Variants in SUMO3 observed in about 807,000 individuals in gnomAD.
SUMO3 encodes the protein small ubiquitin like modifier 3.
A neutral mutation model predicts 11.1 loss-of-function variants in SUMO3; 2 were observed. That is an observed-to-expected ratio of 0.18 (90% CI 0.07 to 0.57). The LOEUF (loss-of-function observed/expected upper bound fraction) is 0.57, where lower values mean the gene tolerates loss of function less well. Ranked by LOEUF, SUMO3 falls within the 20% of genes least tolerant of loss-of-function variation. SUMO3 has a pLI of 0.92. For missense variants in SUMO3, 70 were observed against 132.8 expected (o/e 0.53, Z 2.32); for synonymous variants, 56 against 53.5 (o/e 1.05, Z -0.20).
Position 44,811,879 on chromosome 21 carries a change from GAATA to G in SUMO3, c.150+2093_150+2096del, listed in dbSNP as rs2146423211. On this transcript the variant is annotated intron_variant, in intron 2 of 3. Transcript: ENST00000332859. This position sits in a 1 kb window ranked among gnomAD's most constrained non-coding sequence, Gnocchi z 5.0. ...AGAACTAACATAAGGCATATTTCCT[GAATA>G]AAAATAAACGTCCAGACCCATAAAG... 6.6e-6 allele frequency among the ~76,000 whole-genome samples: 1 copy of G among 151,932 alleles called. No homozygotes were observed. The highest frequency in any genetic ancestry group is 2.4e-5 in the African/African-American group (1 of 41,468).
intron 2 of SUMO3, among the ~76,000 whole-genome samples, chr21:44,812,027 G>T (rs2083214964): frequency 7.2e-6 from 1 of 138,536 alleles, no homozygotes; most frequent in Non-Finnish European, 1.5e-5. Flanking sequence ...AAAGCACAGA[G>T]AATCAGAATC....
intron 3 of SUMO3, chr21:44,808,460 A>G: frequency 7.0e-7 from 1 of 1,421,074 alleles, no homozygotes; most frequent in Non-Finnish European, 9.3e-7. Flanking sequence ...TTGCACAGTG[A>G]GCTGAGACTG....
intron 2 of SUMO3, among the ~76,000 whole-genome samples, chr21:44,812,752 G>A (rs1003293244): frequency 1.3e-5 from 2 of 152,228 alleles, no homozygotes; most frequent in Non-Finnish European, 2.9e-5. Context: ...GCAGGGGGAA[G>A]GGCAGAGCCC....
At position 44,809,132 on chromosome 21, in the gene SUMO3, G is replaced by GC; in HGVS notation, c.151-15dup. The stretch of plus-strand genomic sequence containing the variant: ...CATTGACAAGCCCTGGAAAGGAAAA[G>GC]CAGTGGCCATTAGTCTCACTGGCAA... On this transcript the variant is annotated splice_polypyrimidine_tract_variant and intron_variant, in intron 2 of 3. Coordinates refer to ENST00000332859, the MANE Select transcript of SUMO3 (RefSeq NM_006936.3). The GC allele has an allele frequency of 6.2e-7, 1 of 1,613,550 alleles. No individual in the cohort carries two copies. The highest frequency in any genetic ancestry group is 8.5e-7 in the Non-Finnish European group (1 of 1,179,574).
Position 44,806,758 on chromosome 21 carries a change from T to C in SUMO3, c.*193A>G. Reference sequence around the variant, plus strand: ...ACCTGAACAAAGATAACAATTCTGATTGGCCCAATTTAAGTTACAGATTCA... The same window carrying C: ...ACCTGAACAAAGATAACAATTCTGACTGGCCCAATTTAAGTTACAGATTCA... On this transcript the variant is annotated 3_prime_UTR_variant, in exon 4 of 4. Transcript: ENST00000332859. The C allele has an allele frequency of 1.5e-6, 2 of 1,342,180 alleles. No individual in the cohort carries two copies. The highest frequency in any genetic ancestry group is 1.6e-5 in the South Asian group (1 of 61,438). The allele number at this position is 1,342,180 out of a possible 1,614,324, so 83.1% of individuals were successfully genotyped here.
chr21:44,805,953 A>G lies in SUMO3; in HGVS notation c.*998T>C, dbSNP rs2083173434. On this transcript the variant is annotated 3_prime_UTR_variant, in exon 4 of 4. Transcript: ENST00000332859. ...ATGCATAAATTCAATACCTATTTGGAAAGCAGCACGGCACAAACCCACGAG... is the reference window on the plus strand; with the variant it reads ...ATGCATAAATTCAATACCTATTTGGGAAGCAGCACGGCACAAACCCACGAG... The G allele has an allele frequency of 6.6e-6, 1 of 152,448 alleles. No homozygotes were observed. The highest frequency in any genetic ancestry group is 2.1e-4 in the South Asian group (1 of 4,834). 9.4% of individuals were successfully genotyped at this position (152,448 alleles called of 1,614,324 possible). A position where few individuals can be genotyped will look rare whatever the true frequency, so the allele number is the denominator to read the frequency against.
At chr21:44,816,903 TGGGGAG>T (rs2083247339) in intron 1 of SUMO3, among the ~76,000 whole-genome samples, 2 of 8,792 alleles carry the variant, frequency 2.3e-4, no homozygotes, top group Non-Finnish European at 2.2e-4. Context: ...GGGGGCGTGA[TGGGGAG>T]GGGTGGGCGC....
At chr21:44,817,062 G>A (rs2146428697) in intron 1 of SUMO3, among the ~76,000 whole-genome samples, 1 of 142,512 alleles carries the variant, frequency 7.0e-6, no homozygotes, top group Admixed American at 7.0e-5. Flanking sequence ...TGGAGAGGGC[G>A]ACGCAATAGG....
Position 44,806,650 on chromosome 21 carries a change from T to C in SUMO3, c.*301A>G, listed in dbSNP as rs2083178776. ...AAAAGCGAACATTCAGGCTATAATT[T>C]TGGGGTTAAAAAAATGTTGTAGGAG... On this transcript the variant is annotated 3_prime_UTR_variant, in exon 4 of 4. Transcript: ENST00000332859. 4.0e-6 allele frequency: 2 copies of C among 502,482 alleles called. No individual in the cohort carries two copies. The highest frequency in any genetic ancestry group is 2.4e-5 in the South Asian group (1 of 41,344). The allele number at this position is 502,482 out of a possible 1,614,324, so 31.1% of individuals were successfully genotyped here.
rs1367672399 is a variant in SUMO3, at chr21:44,809,037, A to G, written c.222+10T>C. The G allele has an allele frequency of 1.2e-6, 2 of 1,613,882 alleles. No homozygotes were observed. The highest frequency in any genetic ancestry group is 1.6e-4 in the Middle Eastern group (1 of 6,062). Reference sequence around the variant, plus strand: ...AGTCGCCCTGGAACCACGCGAAGCCAGCTCCGTACCTGTGCTGGAGTGTCA... The same window carrying G: ...AGTCGCCCTGGAACCACGCGAAGCCGGCTCCGTACCTGTGCTGGAGTGTCA... On this transcript the variant is annotated intron_variant, in intron 3 of 3. Coordinates refer to ENST00000332859, the MANE Select transcript of SUMO3 (RefSeq NM_006936.3).
chr21:44,811,270 G>A lies in SUMO3; in HGVS notation c.151-2152C>T, dbSNP rs1222508627. On this transcript the variant is annotated intron_variant, in intron 2 of 3. Transcript: ENST00000332859. The surrounding 1 kb of genome is among the most constrained non-coding windows in gnomAD (Gnocchi z 5.0). Reference sequence around the variant, plus strand: ...GAAGTAAAAAATACTACTACCTTCAGAAAACAATCAATTGCTACTGAGGAT... The same window carrying A: ...GAAGTAAAAAATACTACTACCTTCAAAAAACAATCAATTGCTACTGAGGAT... 6.6e-5 allele frequency among the ~76,000 whole-genome samples: 10 copies of A among 152,148 alleles called. No individual in the cohort carries two copies. The highest frequency in any genetic ancestry group is 2.1e-4 in the South Asian group (1 of 4,832).
rs1363244579 is a variant in SUMO3 at position 44,811,037 on chromosome 21, CAT to C, written c.151-1921_151-1920del. Among the ~76,000 whole-genome samples the C allele has an allele frequency of 6.7e-6, 1 of 148,788 alleles. No homozygotes were observed. Among genetic ancestry groups the C allele is most frequent in the African/African-American group, 2.5e-5 (1 of 40,450 alleles). ...ACATATGCACACACGCACACACCCA[CAT>C]ACACACACGCACACACCCACACATA... is the stretch of plus-strand genomic sequence containing the variant. On this transcript the variant is annotated intron_variant, in intron 2 of 3. Transcript: ENST00000332859. This position sits in a 1 kb window ranked among gnomAD's most constrained non-coding sequence, Gnocchi z 5.0.
At chr21:44,809,015 C>T (rs235293) in intron 3 of SUMO3, 32 bp downstream of exon 3, 55,646 of 1,602,226 alleles carry the variant, frequency 0.035, 1,091 homozygotes, top group Middle Eastern at 0.052. Flanking sequence ...AATCGGAAGT[C>T]GCCCTGGAAC....
rs2083201551 is a variant in SUMO3 at position 44,810,094 on chromosome 21, T to G, written c.151-976A>C. Among the ~76,000 whole-genome samples the G allele has an allele frequency of 6.6e-6, 1 of 152,234 alleles. No homozygotes were observed. The highest frequency in any genetic ancestry group is 2.1e-4 in the South Asian group (1 of 4,834). On this transcript the variant is annotated intron_variant, in intron 2 of 3. Coordinates refer to ENST00000332859, the MANE Select transcript of SUMO3 (RefSeq NM_006936.3). The surrounding 1 kb of genome is among the most constrained non-coding windows in gnomAD (Gnocchi z 4.1). ...GAGAGCACGCAGCCTTTCTGCGTCCTGAGGGAATGGAGAAATGTGGTCAGG... is the reference window on the plus strand; with the variant it reads ...GAGAGCACGCAGCCTTTCTGCGTCCGGAGGGAATGGAGAAATGTGGTCAGG...
intron 1 of SUMO3, among the ~76,000 whole-genome samples, chr21:44,817,688 T>C (rs543272137): frequency 6.4e-4 from 95 of 149,052 alleles, no homozygotes; most frequent in Non-Finnish European, 9.9e-4. Context: ...GGCGCGCGCC[T>C]TCCCAGCTGG....
intron 1 of SUMO3, among the ~76,000 whole-genome samples, chr21:44,817,454 TG>T (rs2083252865): frequency 6.6e-6 from 1 of 151,884 alleles, no homozygotes; most frequent in Non-Finnish European, 1.5e-5. Flanking sequence ...GCGCGCCCCT[TG>T]GGGGTAACCC....
chr21:44,813,946 G>T, intron 2 of SUMO3, 30 bp downstream of exon 2: 1 of 1,606,080 alleles, frequency 6.2e-7, no homozygotes, highest in Non-Finnish European at 8.5e-7. Flanking sequence ...CGCACACGGG[G>T]AGGCTCTGCG....
rs1260184949 is a variant in SUMO3 at position 44,810,103 on chromosome 21, G to A, written c.151-985C>T. Among the ~76,000 whole-genome samples the A allele has an allele frequency of 4.6e-5, 7 of 152,260 alleles. No individual in the cohort carries two copies. The highest frequency in any genetic ancestry group is 1.0e-4 in the Non-Finnish European group (7 of 68,044). ...CAGCCTTTCTGCGTCCTGAGGGAAT[G>A]GAGAAATGTGGTCAGGGGCAGAAAC... On this transcript the variant is annotated intron_variant, in intron 2 of 3. Transcript: ENST00000332859. This position sits in a 1 kb window ranked among gnomAD's most constrained non-coding sequence, Gnocchi z 4.1.
At chr21:44,814,528 C>G (rs750140987) in intron 1 of SUMO3, among the ~76,000 whole-genome samples, 2 of 152,208 alleles carry the variant, frequency 1.3e-5, no homozygotes, top group Admixed American at 6.5e-5. Context: ...GAGCAAGACC[C>G]CATCTCTTTT....
Sources: allele counts gnomAD v4.1 joint callset (sites outside exome capture counted in the v4.1 genomes callset), GRCh38; gene constraint gnomAD v4.1.1; non-coding constraint Gnocchi (gnomAD v3.1); transcripts MANE v1.5; gene names NCBI Gene and HGNC (gene_info 2026-07-23, HGNC 2026-07-21).